TBC1D4: variants seen among roughly 807,000 people sequenced by gnomAD.
TBC1D4 encodes the protein TBC1 domain family member 4, also known as TBC (Tre-2, BUB2, CDC16) domain-containing protein.
A neutral mutation model predicts 142.5 loss-of-function variants in TBC1D4; 121 were observed. The observed-to-expected ratio is 0.85, with a 90% CI of 0.73 to 0.99. The LOEUF (loss-of-function observed/expected upper bound fraction) is 0.99. Among genes scored for constraint, TBC1D4 ranks in the 50% least tolerant of loss-of-function variants. TBC1D4 has a pLI of 0.00. For synonymous variants in TBC1D4, 630 were observed against 628.2 expected (o/e 1.00, Z -0.04); for missense variants, 1,475 against 1,606.6 (o/e 0.92, Z 1.40).
intron 1 of TBC1D4, among the ~76,000 whole-genome samples, chr13:75,410,702 C>T (rs1280580769): frequency 6.6e-6 from 1 of 151,770 alleles, no homozygotes; most frequent in African/African-American, 2.4e-5. Context: ...TTTGGGAGGC[C>T]GAGGCGGGCG....
intron 1 of TBC1D4, among the ~76,000 whole-genome samples, chr13:75,373,619 C>T (rs1883338486): frequency 2.0e-5 from 3 of 152,180 alleles, no homozygotes; most frequent in African/African-American, 7.2e-5. Flanking sequence ...GAGGTCAACT[C>T]CTCCAAACAA....
intron 1 of TBC1D4, among the ~76,000 whole-genome samples, chr13:75,467,475 A>G (rs1888213668): frequency 6.6e-6 from 1 of 152,218 alleles, no homozygotes; most frequent in Admixed American, 6.5e-5. Flanking sequence ...GCTGTTTAGA[A>G]CTTATTACTG....
At chr13:75,334,460 T>C (rs1367407102) in intron 8 of TBC1D4, among the ~76,000 whole-genome samples, 1 of 130,560 alleles carries the variant, frequency 7.7e-6, no homozygotes, top group Non-Finnish European at 1.8e-5. Context: ...TTCTATATGA[T>C]TGTATATATA....
chr13:75,463,680 T>G (rs1888060664), intron 1 of TBC1D4, among the ~76,000 whole-genome samples: 3 of 152,316 alleles, frequency 2.0e-5, no homozygotes, highest in South Asian at 4.1e-4. Context: ...ATTACTGATA[T>G]TAAGATGTGA....
chr13:75,414,609 AGGTGTGGTCTGTGTG>A (rs1292521944), intron 1 of TBC1D4, among the ~76,000 whole-genome samples: 2 of 151,822 alleles, frequency 1.3e-5, no homozygotes, highest in Non-Finnish European at 1.5e-5. Flanking sequence ...GATGGTGTGT[AGGTGTGGTCTGTGTG>A]GGTGTGGTCT....
chr13:75,377,702 TTA>T (rs10572139), intron 1 of TBC1D4, among the ~76,000 whole-genome samples: 34,341 of 146,948 alleles, frequency 0.23, 4,071 homozygotes, highest in East Asian at 0.34. Context: ...TAAATATATA[TTA>T]TATATATATA....
chr13:75,359,862 A>G lies in TBC1D4; in HGVS notation c.1081-4T>C, dbSNP rs1431003044. 6.2e-7 allele frequency: 1 copy of G among 1,611,882 alleles called. No homozygotes were observed. Among genetic ancestry groups the G allele is most frequent in the African/African-American group, 1.3e-5 (1 of 74,896 alleles). ...GGTTAATCTCAAATCGCCCAACCTT[A>G]AAAATAAAAGCATTCCAATTAATTT... On this transcript the variant is annotated splice_polypyrimidine_tract_variant and splice_region_variant and intron_variant, in intron 2 of 20. Transcript: ENST00000377636.
chr13:75,337,140 A>ATTCTT (rs1880295821), intron 7 of TBC1D4, 100 bp from the exon 8 acceptor site: 12 of 1,064,908 alleles, frequency 1.1e-5, no homozygotes, highest in Non-Finnish European at 1.7e-5. Flanking sequence ...AAACACAAGA[A>ATTCTT]TTCTTCAGTA....
chr13:75,399,104 G>A (rs1884951448), intron 1 of TBC1D4, among the ~76,000 whole-genome samples: 1 of 152,164 alleles, frequency 6.6e-6, no homozygotes, highest in Non-Finnish European at 1.5e-5. Context: ...CACTTTGGGA[G>A]GCCGAGGCAG....
intron 5 of TBC1D4, among the ~76,000 whole-genome samples, chr13:75,348,225 T>G (rs912681909): frequency 2.0e-5 from 3 of 152,270 alleles, no homozygotes; most frequent in African/African-American, 7.2e-5. Context: ...TCATCACTGA[T>G]TCTGCCTTGT....
intron 1 of TBC1D4, among the ~76,000 whole-genome samples, chr13:75,402,305 G>A (rs909293336): frequency 1.4e-4 from 22 of 152,090 alleles, no homozygotes; most frequent in African/African-American, 5.3e-4. Context: ...TAGAGCTTGT[G>A]GCAGACTTAA....
chr13:75,287,446 A>T (rs1273738152), intron 20 of TBC1D4, among the ~76,000 whole-genome samples: 1 of 152,150 alleles, frequency 6.6e-6, no homozygotes, highest in East Asian at 1.9e-4. Flanking sequence ...GTATTTATAG[A>T]TGTGAGGGGT....
chr13:75,440,701 G>A (rs1027520547), intron 1 of TBC1D4, among the ~76,000 whole-genome samples: 4 of 151,154 alleles, frequency 2.6e-5, no homozygotes, highest in East Asian at 1.9e-4. Context: ...CTACAGGCCC[G>A]TACCAGCACA....
intron 2 of TBC1D4, among the ~76,000 whole-genome samples, chr13:75,361,539 TC>T (rs1882505360): frequency 6.6e-6 from 1 of 152,052 alleles, no homozygotes; most frequent in Admixed American, 6.6e-5. Flanking sequence ...CCCCACCACA[TC>T]CGGCTAATTT....
At chr13:75,344,686 T>C (rs552458973) in intron 5 of TBC1D4, among the ~76,000 whole-genome samples, 1 of 152,288 alleles carries the variant, frequency 6.6e-6, no homozygotes, top group African/African-American at 2.4e-5. Context: ...GATGGCTGAC[T>C]GTTCCTCCTG....
In TBC1D4 at chr13:75,346,926, G is replaced by C. The variant is rs1469552504; in HGVS notation, c.1408+2244C>G. On this transcript the variant is annotated intron_variant, in intron 5 of 20. Coordinates refer to ENST00000377636, the MANE Select transcript of TBC1D4 (RefSeq NM_014832.5). ...ATTCCTATTAACTGCTTCATTATGT[G>C]AATATACTACTAATTATGCCATTGA... 2.6e-5 allele frequency among the ~76,000 whole-genome samples: 4 copies of C among 152,076 alleles called. No homozygotes were observed. In the East Asian group the frequency reaches 7.7e-4, roughly 29 times the overall value.
intron 5 of TBC1D4, among the ~76,000 whole-genome samples, chr13:75,348,875 TG>T (rs1176849166): frequency 1.3e-5 from 2 of 151,936 alleles, no homozygotes; most frequent in East Asian, 3.9e-4. Flanking sequence ...TTAAAAACTG[TG>T]GGAAATACAA....
At position 75,320,021 on chromosome 13, in the gene TBC1D4, C is replaced by A. The variant is rs780026066; in HGVS notation, c.2215G>T (p.Glu739Ter). The change falls in exon 12 of 21, where the codon GAA becomes TAA. Residue 739 changes from glutamate to a stop codon, truncating the protein, a stop_gained. Transcript: ENST00000377636. LOFTEE classifies it high-confidence loss of function. The stretch of plus-strand genomic sequence containing the variant: ...ACGTAGACCTCTAATCACCTTGATT[C>A]TGAAGCAGTGTCTTGTCTGGTACAA... Reference protein sequence around the residue: ...ENEIRQDTASESSDGEGRKRT... With the variant: ...ENEIRQDTAS 2 of 1,613,184 alleles carry A rather than the reference C, an allele frequency of 1.2e-6. No homozygotes were observed. The highest frequency in any genetic ancestry group is 2.2e-5 in the South Asian group (2 of 91,028).
At chr13:75,436,768 C>T (rs1387420334) in intron 1 of TBC1D4, among the ~76,000 whole-genome samples, 2 of 152,118 alleles carry the variant, frequency 1.3e-5, no homozygotes, top group African/African-American at 2.4e-5. Context: ...GCATCTCCCC[C>T]ACAGAATCCT....
Sources: gnomAD v4.1 joint callset for allele counts (sites outside exome capture counted in the v4.1 genomes callset) on GRCh38, gnomAD v4.1.1 for gene constraint, MANE v1.5 for transcripts, NCBI Gene and HGNC (gene_info 2026-07-23, HGNC 2026-07-21) for gene names.